The following TMEM209 variants were observed in gnomAD, a reference collection of about 807,000 sequenced individuals.
TMEM209 encodes the protein transmembrane protein 209.
In TMEM209, 65 loss-of-function variants were observed where a neutral mutation model predicts 76.2. The observed-to-expected ratio is 0.85, with a 90% CI of 0.70 to 1.05. TMEM209 has a LOEUF of 1.05. Ranked by LOEUF, TMEM209 falls within the 50% of genes least tolerant of loss-of-function variation. The pLI is 0.00. For missense variants in TMEM209, 623 were observed against 685.5 expected (o/e 0.91, Z 1.02); for synonymous variants, 239 against 237.6 (o/e 1.01, Z -0.06).
chr7:130,202,560 C>T lies in TMEM209; in HGVS notation c.303G>A (p.Gln101=). 1 of 1,612,116 alleles carries T rather than the reference C, an allele frequency of 6.2e-7. No individual in the cohort carries two copies. Among genetic ancestry groups the T allele is most frequent in the Non-Finnish European group, 8.5e-7 (1 of 1,179,248 alleles). Reference sequence around the variant, plus strand: ...CTGTTTTCAACCCTAAAAGTGTTTGCTGTCCAGGACTAACAACCAGACTTG... The same window carrying T: ...CTGTTTTCAACCCTAAAAGTGTTTGTTGTCCAGGACTAACAACCAGACTTG... ...APTSLVVSPG[Q]QTLLGLKTAV... The change falls in exon 4 of 15, where the codon CAG becomes CAA. Residue 101 remains glutamine, a synonymous_variant. Transcript: ENST00000397622.
At chr7:130,175,854 G>C (rs1797219269) in intron 10 of TMEM209, among the ~76,000 whole-genome samples, 1 of 152,040 alleles carries the variant, frequency 6.6e-6, no homozygotes. Flanking sequence ...AAAAAGAGTT[G>C]ATGGGTAGGG....
chr7:130,177,154 C>A (rs1797262893), intron 10 of TMEM209, among the ~76,000 whole-genome samples: 1 of 151,754 alleles, frequency 6.6e-6, no homozygotes, highest in South Asian at 2.1e-4. Flanking sequence ...AATTTGAGAC[C>A]AGCCTGACCA....
intron 10 of TMEM209, among the ~76,000 whole-genome samples, chr7:130,177,325 T>C (rs1278823024): frequency 6.9e-6 from 1 of 145,944 alleles, no homozygotes; most frequent in Non-Finnish European, 1.5e-5. Context: ...CACTCTAGCC[T>C]GGCGACAGAG....
chr7:130,205,203 G>C, intron 1 of TMEM209, 170 bp downstream of exon 1: 1 of 1,552,104 alleles, frequency 6.4e-7, no homozygotes, highest in Non-Finnish European at 8.7e-7. Flanking sequence ...CCCGGCTCCT[G>C]GGCACGAACT....
chr7:130,195,996 G>C (rs902508624), intron 5 of TMEM209, among the ~76,000 whole-genome samples: 1 of 152,052 alleles, frequency 6.6e-6, no homozygotes, highest in Non-Finnish European at 1.5e-5. Context: ...ATCACACCAG[G>C]ATTTCAATCC....
intron 5 of TMEM209, among the ~76,000 whole-genome samples, chr7:130,195,264 A>G (rs1003567537): frequency 7.9e-5 from 12 of 152,116 alleles, no homozygotes; most frequent in Admixed American, 7.2e-4. Context: ...TTTATCCAAG[A>G]ACATTTCATC....
chr7:130,191,960 G>A (rs535356336), intron 6 of TMEM209, among the ~76,000 whole-genome samples: 31 of 152,282 alleles, frequency 2.0e-4, no homozygotes, highest in Admixed American at 1.7e-3. Flanking sequence ...GACTCCAAGC[G>A]ACACAAAGAG....
chr7:130,191,415 G>GT (rs1281201875), intron 6 of TMEM209, among the ~76,000 whole-genome samples: 1 of 151,928 alleles, frequency 6.6e-6, no homozygotes, highest in Non-Finnish European at 1.5e-5. Context: ...ATAAAAATTA[G>GT]TAAGATAAAG....
At chr7:130,192,041 T>G (rs1584688078) in intron 6 of TMEM209, among the ~76,000 whole-genome samples, 1 of 152,316 alleles carries the variant, frequency 6.6e-6, no homozygotes, top group Non-Finnish European at 1.5e-5. Context: ...TGAAAGTTCC[T>G]GACGGGGGAA....
Position 130,185,145 on chromosome 7 carries a change from A to G in TMEM209, c.951+47T>C, listed in dbSNP as rs1797552499. 8 of 1,558,542 alleles carry G rather than the reference A, an allele frequency of 5.1e-6. No homozygotes were observed. The South Asian group carries it at 8.4e-5, about 16-fold the overall frequency. On this transcript the variant is annotated intron_variant, in intron 7 of 14. Transcript: ENST00000397622. Reference sequence around the variant, plus strand: ...TGTTCCAGAAGTAGAAGACTTTCTAACAATGCATAAATCATAAATATTAAG... The same window carrying G: ...TGTTCCAGAAGTAGAAGACTTTCTAGCAATGCATAAATCATAAATATTAAG...
chr7:130,178,310 T>G, intron 10 of TMEM209, 92 bp downstream of exon 10: 1 of 1,287,714 alleles, frequency 7.8e-7, no homozygotes, highest in Non-Finnish European at 1.0e-6. Flanking sequence ...TGTTATACTT[T>G]TAATTAAAAG....
chr7:130,165,685 T>C lies in TMEM209; in HGVS notation c.*766A>G, dbSNP rs1292181064. ...GTGGGCTTTGGCCTAACTTGCAGAA[T>C]GCTGGGGAAACATTAAAAAAAAAAA... On this transcript the variant is annotated 3_prime_UTR_variant, in exon 15 of 15. Coordinates refer to ENST00000397622, the MANE Select transcript of TMEM209 (RefSeq NM_032842.4). The C allele has an allele frequency of 7.0e-6, 1 of 143,164 alleles. No homozygotes were observed. Among genetic ancestry groups the C allele is most frequent in the Non-Finnish European group, 1.5e-5 (1 of 66,634 alleles). 8.9% of individuals were successfully genotyped at this position (143,164 alleles called of 1,614,324 possible). A position where few individuals can be genotyped will look rare whatever the true frequency, so the allele number is the denominator to read the frequency against.
At chr7:130,192,480 T>C (rs142179131) in intron 6 of TMEM209, 142 bp downstream of exon 6, 260 of 702,760 alleles carry the variant, frequency 3.7e-4, no homozygotes, top group African/African-American at 3.6e-3. Flanking sequence ...TCTAACTGCA[T>C]AAAATAATGT....
intron 8 of TMEM209, chr7:130,181,945 C>CT (rs926497011): frequency 0.049 from 14,391 of 293,394 alleles, no homozygotes; most frequent in South Asian, 0.098. Flanking sequence ...ACTTACATTC[C>CT]TTTTTTTTTT....
chr7:130,203,110 T>C (rs1698190115), intron 3 of TMEM209, among the ~76,000 whole-genome samples: 1 of 151,860 alleles, frequency 6.6e-6, no homozygotes, highest in Non-Finnish European at 1.5e-5. Context: ...AAATTATGTG[T>C]AGGTAATTTA....
rs1185939358 is a variant in TMEM209 at position 130,164,900 on chromosome 7, C to A, written c.*1551G>T. 1 of 152,130 alleles carries A rather than the reference C, an allele frequency of 6.6e-6. No individual in the cohort carries two copies. Among genetic ancestry groups the A allele is most frequent in the Non-Finnish European group, 1.5e-5 (1 of 68,002 alleles). The allele number at this position is 152,130 out of a possible 1,614,324, so 9.4% of individuals were successfully genotyped here. A position where few individuals can be genotyped will look rare whatever the true frequency, so the allele number is the denominator to read the frequency against. On this transcript the variant is annotated 3_prime_UTR_variant, in exon 15 of 15. Coordinates refer to ENST00000397622, the MANE Select transcript of TMEM209 (RefSeq NM_032842.4). Reference sequence around the variant, plus strand: ...AATATCATAGCAAATAAATATTCAACATACACCAAAAGTACTTAAAAGAAG... The same window carrying A: ...AATATCATAGCAAATAAATATTCAAAATACACCAAAAGTACTTAAAAGAAG...
chr7:130,177,348 CAA>C (rs755580801), intron 10 of TMEM209, among the ~76,000 whole-genome samples: 59 of 102,408 alleles, frequency 5.8e-4, no homozygotes, highest in Middle Eastern at 4.8e-3. Flanking sequence ...AGACTGTCTC[CAA>C]AAAAAAAAAA....
intron 5 of TMEM209, among the ~76,000 whole-genome samples, chr7:130,196,647 T>A (rs1392733257): frequency 6.6e-6 from 1 of 152,112 alleles, no homozygotes; most frequent in Non-Finnish European, 1.5e-5. Context: ...ACAGGCTCAG[T>A]GCCATATGAA....
chr7:130,170,621 C>T (rs564128083), intron 13 of TMEM209, 148 bp from the exon 14 acceptor site: 34 of 664,700 alleles, frequency 5.1e-5, no homozygotes, highest in South Asian at 1.8e-4. Context: ...AAAGTACCTA[C>T]GCTTTGTGCT....
Sources: allele counts gnomAD v4.1 joint callset (sites outside exome capture counted in the v4.1 genomes callset), GRCh38; gene constraint gnomAD v4.1.1; transcripts MANE v1.5; gene names NCBI Gene and HGNC (gene_info 2026-07-23, HGNC 2026-07-21).